Variants in INTS1 observed in about 807,000 individuals in gnomAD.
INTS1 encodes the protein integrator complex subunit 1.
In INTS1, 137 loss-of-function variants were observed where a neutral mutation model predicts 241.6. The ratio of observed to expected loss-of-function variants is 0.57; its 90% CI spans 0.49 to 0.65. The LOEUF (loss-of-function observed/expected upper bound fraction) is 0.65, where lower values mean the gene tolerates loss of function less well. Ranked by LOEUF, INTS1 falls within the 30% of genes least tolerant of loss-of-function variation. The pLI is 0.00. For synonymous variants in INTS1, 1,692 were observed against 1,337.8 expected (o/e 1.26, Z -5.78); for missense variants, 3,073 against 3,032.2 (o/e 1.01, Z -0.32).
Position 1,479,504 on chromosome 7 carries a change from C to A in INTS1, c.4255G>T (p.Gly1419Cys), listed in dbSNP as rs761392257. Residue 1419 changes from glycine to cysteine, a missense_variant, in exon 31 of 48, where the codon GGT becomes TGT. Coordinates refer to ENST00000404767, the MANE Select transcript of INTS1 (RefSeq NM_001080453.3). The part of the protein sequence containing the change: ...LATLLSSPHG[G>C]ALVMSMHRSH... Reference sequence around the variant, plus strand: ...CGGTGCATGGACATCACCAGGGCACCGCCGTGTGGGGAGCTGAGCAGGGTG... The same window carrying A: ...CGGTGCATGGACATCACCAGGGCACAGCCGTGTGGGGAGCTGAGCAGGGTG... 1 of 1,571,684 alleles carries A rather than the reference C, an allele frequency of 6.4e-7. No homozygotes were observed. The highest frequency in any genetic ancestry group is 2.4e-5 in the East Asian group (1 of 42,414).
Position 1,486,906 on chromosome 7 carries a change from G to T in INTS1, c.2826+16C>A. ...GGGGTGAGAGGCGGGGGGGCTGAGG[G>T]GTGGGCGGCCCTGACCTGCCGCTTC... On this transcript the variant is annotated intron_variant, in intron 21 of 47. Transcript: ENST00000404767. 3.1e-6 allele frequency: 5 copies of T among 1,588,966 alleles called. No homozygotes were observed. Among genetic ancestry groups the T allele is most frequent in the Non-Finnish European group, 4.3e-6 (5 of 1,172,236 alleles).
rs1053594617 is a variant in INTS1 at position 1,504,322 on chromosome 7, C to G, written c.-42+1G>C. On this transcript the variant is annotated splice_donor_variant, in intron 1 of 47. Coordinates refer to ENST00000404767, the MANE Select transcript of INTS1 (RefSeq NM_001080453.3). LOFTEE classifies it low-confidence loss of function (5UTR_SPLICE). ...AAGCGCCCAGGCCGCGGCTCACTTA[C>G]CTCTGGCCCATCGCGACCGGAGCGC... The G allele has an allele frequency of 9.4e-6, 5 of 530,590 alleles. No homozygotes were observed. In the African/African-American group the frequency reaches 9.9e-5, roughly 11 times the overall value. The allele number at this position is 530,590 out of a possible 1,614,324, so 32.9% of individuals were successfully genotyped here.
chr7:1,500,899 A>C (rs56173921), intron 3 of INTS1: 79,613 of 152,990 alleles, frequency 0.52, 21,959 homozygotes, highest in African/African-American at 0.71. Context: ...CACCTTTCCT[A>C]TCGTCGTGTT....
Position 1,477,837 on chromosome 7 carries a change from C to A in INTS1, c.4730G>T (p.Cys1577Phe). The A allele has an allele frequency of 1.9e-6, 3 of 1,612,622 alleles. No homozygotes were observed. Among genetic ancestry groups the A allele is most frequent in the Non-Finnish European group, 2.5e-6 (3 of 1,179,842 alleles). ...TADAASPFPA[C>F]KPVVVVSSLL... Reference sequence around the variant, plus strand: ...GGAGCTCACCACCACAACGGGCTTACAGGCTGGAAACGGGGAGGCAGCATC... The same window carrying A: ...GGAGCTCACCACCACAACGGGCTTAAAGGCTGGAAACGGGGAGGCAGCATC... Residue 1577 changes from cysteine (C) to phenylalanine (F), a missense_variant, in exon 34 of 48, where the codon TGT becomes TTT. Coordinates refer to ENST00000404767, the MANE Select transcript of INTS1 (RefSeq NM_001080453.3).
intron 11 of INTS1, 134 bp from the exon 12 acceptor site, chr7:1,496,398 G>T (rs1782860304): frequency 2.1e-6 from 1 of 472,288 alleles, no homozygotes; most frequent in Non-Finnish European, 3.7e-6. Context: ...CGTGGGCGCG[G>T]CACGGGGTCT....
intron 27 of INTS1, 38 bp downstream of exon 27, chr7:1,482,508 A>G: frequency 6.4e-7 from 1 of 1,563,400 alleles, no homozygotes; most frequent in Non-Finnish European, 8.7e-7. Flanking sequence ...GGGACCCCTG[A>G]GTCAGCAGCC....
rs1782686131 is a variant in INTS1, at chr7:1,493,461, G to A, written c.2068+293C>T. Among the ~76,000 whole-genome samples the A allele has an allele frequency of 6.6e-6, 1 of 152,170 alleles. No homozygotes were observed. The highest frequency in any genetic ancestry group is 2.4e-5 in the African/African-American group (1 of 41,416). On this transcript the variant is annotated intron_variant, in intron 15 of 47. Coordinates refer to ENST00000404767, the MANE Select transcript of INTS1 (RefSeq NM_001080453.3). This position sits in a 1 kb window ranked among gnomAD's most constrained non-coding sequence, Gnocchi z 5.3. Reference sequence around the variant, plus strand: ...ATCATTCTACCTGTCGCCTAAAGGAGGTGACAGACAGGAAATCTGGCCGTG... The same window carrying A: ...ATCATTCTACCTGTCGCCTAAAGGAAGTGACAGACAGGAAATCTGGCCGTG...
chr7:1,480,890 G>T lies in INTS1; in HGVS notation c.3894C>A (p.Ala1298=). The T allele has an allele frequency of 1.9e-6, 3 of 1,560,628 alleles. No individual in the cohort carries two copies. Among genetic ancestry groups the T allele is most frequent in the Non-Finnish European group, 2.6e-6 (3 of 1,153,418 alleles). ...AGGAGTGGAAAGTCTGGCCTCCGGA[G>T]GCGCCGCGCTCATGCTGGACCTCCA... ...HLVEVQHERG[A]SGGQTFHSLL... Residue 1298 remains alanine (A), a synonymous_variant, in exon 29 of 48, where the codon GCC becomes GCA. Transcript: ENST00000404767.
chr7:1,498,943 G>GGGCCCCCCCCCCCCC, intron 8 of INTS1, 32 bp downstream of exon 8: 16 of 1,070,724 alleles, frequency 1.5e-5, no homozygotes, highest in African/African-American at 2.0e-5. Flanking sequence ...CCCACCCCCT[G>GGGCCCCCCCCCCCCC]CCCCGCCCAC....
In INTS1 at chr7:1,486,883, G is replaced by A. The variant is rs201767168; in HGVS notation, c.2826+39C>T. 2.5e-5 allele frequency: 40 copies of A among 1,584,864 alleles called. No individual in the cohort carries two copies. The African/African-American group carries it at 4.7e-4, about 19-fold the overall frequency. The stretch of plus-strand genomic sequence containing the variant: ...ATGGGTTGCCCTGACAGGGGTGCGG[G>A]GTGAGAGGCGGGGGGGCTGAGGGGT... On this transcript the variant is annotated intron_variant, in intron 21 of 47. Transcript: ENST00000404767.
chr7:1,491,861 C>T (rs912878057), intron 16 of INTS1, among the ~76,000 whole-genome samples: 5 of 152,222 alleles, frequency 3.3e-5, no homozygotes, highest in Non-Finnish European at 7.3e-5. Context: ...ATTGTGCCAC[C>T]GCACTCCAGC....
At chr7:1,494,928 T>C in intron 13 of INTS1, 35 bp from the exon 14 acceptor site, 1 of 1,548,762 alleles carries the variant, frequency 6.5e-7, no homozygotes, top group Non-Finnish European at 8.7e-7. Flanking sequence ...AGTCATGATG[T>C]GGGTGCTCAG....
At chr7:1,496,449 C>A (rs573275922) in intron 11 of INTS1, among the ~76,000 whole-genome samples, 185 bp from the exon 12 acceptor site, 1,541 of 141,622 alleles carry the variant, frequency 0.011, 19 homozygotes, top group African/African-American at 0.037. Context: ...TCCACACCCA[C>A]GTGGGCGCGG....
intron 43 of INTS1, 38 bp from the exon 44 acceptor site, chr7:1,472,424 G>C (rs374249239): frequency 7.0e-7 from 1 of 1,419,466 alleles, no homozygotes. Flanking sequence ...GGGCGGGAGC[G>C]GCAGGACGTG....
At position 1,471,122 on chromosome 7, in the gene INTS1, G is replaced by A. The variant is rs568701941; in HGVS notation, c.6347+11C>T. ...CGGTGGCGGCGGGACAGAGGCCGGC[G>A]GTGGCCTCACCTGGGGCTGTTCTGC... On this transcript the variant is annotated intron_variant, in intron 46 of 47. Coordinates refer to ENST00000404767, the MANE Select transcript of INTS1 (RefSeq NM_001080453.3). 3.0e-4 allele frequency: 464 copies of A among 1,557,390 alleles called. No homozygotes were observed. Among genetic ancestry groups the A allele is most frequent in the Middle Eastern group, 7.1e-4 (4 of 5,622 alleles).
intron 41 of INTS1, 108 bp from the exon 42 acceptor site, chr7:1,473,801 C>A: frequency 7.2e-7 from 1 of 1,385,476 alleles, no homozygotes; most frequent in Non-Finnish European, 9.9e-7. Context: ...CCACAGCCAA[C>A]GAGCCCCCTC....
At chr7:1,478,570 A>AG (rs35590190) in intron 32 of INTS1, 64 bp from the exon 33 acceptor site, 1 of 1,565,378 alleles carries the variant, frequency 6.4e-7, no homozygotes, top group Non-Finnish European at 8.7e-7. Context: ...TATCCCATCC[A>AG]GGGAGGCCCC....
intron 43 of INTS1, 104 bp from the exon 44 acceptor site, chr7:1,472,490 C>T: frequency 2.6e-6 from 2 of 765,970 alleles, no homozygotes. Context: ...ACTGCCCAGG[C>T]TCCCAAGGTG....
rs1279457061 is a variant in INTS1, at chr7:1,487,891, C to T, written c.2385G>A (p.Glu795=). 24 of 1,613,492 alleles carry T rather than the reference C, an allele frequency of 1.5e-5. No homozygotes were observed. The highest frequency in any genetic ancestry group is 1.9e-5 in the Non-Finnish European group (23 of 1,179,872). Residue 795 remains glutamate (E), a synonymous_variant, in exon 19 of 48, where the codon GAG becomes GAA. Coordinates refer to ENST00000404767, the MANE Select transcript of INTS1 (RefSeq NM_001080453.3). ...GCTTCTCCCGCTGGGCGGTCTGCAGCTCACGGTTCAGCATCTCCGTCCGGG... is the reference window on the plus strand; with the variant it reads ...GCTTCTCCCGCTGGGCGGTCTGCAGTTCACGGTTCAGCATCTCCGTCCGGG... ...EETRTEMLNR[E]LQTAQREKQE...
Sources: gnomAD v4.1 joint callset for allele counts (sites outside exome capture counted in the v4.1 genomes callset) on GRCh38, gnomAD v4.1.1 for gene constraint, Gnocchi (gnomAD v3.1) non-coding constraint, MANE v1.5 for transcripts, NCBI Gene and HGNC (gene_info 2026-07-23, HGNC 2026-07-21) for gene names.